KCND2: variants seen among roughly 807,000 people sequenced by gnomAD.
The protein encoded by KCND2 is A-type voltage-gated potassium channel KCND2.
In KCND2, 16 loss-of-function variants were observed where a neutral mutation model predicts 54.4. The ratio of observed to expected loss-of-function variants is 0.29; its 90% confidence interval spans 0.20 to 0.45. The LOEUF (loss-of-function observed/expected upper bound fraction) is 0.45. KCND2 is among the 20% of genes least tolerant of loss of function. The probability of loss-of-function intolerance (pLI) is 1.00; values close to 1 mark genes in which losing one functional copy is unlikely to be tolerated. For synonymous variants in KCND2, 317 were observed against 310.7 expected (o/e 1.02, Z -0.21); for missense variants, 486 against 824.2 (o/e 0.59, Z 5.02).
intron 1 of KCND2, among the ~76,000 whole-genome samples, chr7:120,466,906 C>G (rs983680851): frequency 1.3e-5 from 2 of 152,092 alleles, no homozygotes; most frequent in Non-Finnish European, 2.9e-5. Context: ...GCTTGTGGCC[C>G]CTTATCCATC....
At chr7:120,636,905 T>C (rs1793311729) in intron 1 of KCND2, among the ~76,000 whole-genome samples, 1 of 152,134 alleles carries the variant, frequency 6.6e-6, no homozygotes, top group Non-Finnish European at 1.5e-5. Flanking sequence ...AATGGACAGA[T>C]ACTTTAAGGT....
chr7:120,585,200 TCTC>T (rs936456839), intron 1 of KCND2, among the ~76,000 whole-genome samples: 3 of 151,222 alleles, frequency 2.0e-5, no homozygotes, highest in Admixed American at 1.3e-4. Context: ...TTAAAGAAAA[TCTC>T]CTGGGAAATA....
intron 1 of KCND2, among the ~76,000 whole-genome samples, chr7:120,530,322 G>C (rs1791827905): frequency 6.6e-6 from 1 of 151,906 alleles, no homozygotes; most frequent in African/African-American, 2.4e-5. Flanking sequence ...CAAAAATGTA[G>C]AATAAAAAAG....
chr7:120,446,689 C>T (rs933617149), intron 1 of KCND2, among the ~76,000 whole-genome samples: 2 of 152,108 alleles, frequency 1.3e-5, no homozygotes, highest in African/African-American at 2.4e-5. Flanking sequence ...TGCATATTTC[C>T]CCTATACTCA....
At chr7:120,438,567 A>G (rs1429165769) in intron 1 of KCND2, among the ~76,000 whole-genome samples, 2 of 152,190 alleles carry the variant, frequency 1.3e-5, no homozygotes, top group African/African-American at 2.4e-5. Context: ...CACCTTCAGA[A>G]AATAATTTGA....
At chr7:120,663,126 G>A (rs1269410204) in intron 1 of KCND2, among the ~76,000 whole-genome samples, 1 of 152,124 alleles carries the variant, frequency 6.6e-6, no homozygotes, top group Non-Finnish European at 1.5e-5. Context: ...GCGGTACATG[G>A]TAGGTTGAAC....
chr7:120,670,608 G>A (rs1464167970), intron 1 of KCND2, among the ~76,000 whole-genome samples: 3 of 151,960 alleles, frequency 2.0e-5, no homozygotes, highest in Non-Finnish European at 2.9e-5. Flanking sequence ...GCTTCCTAGG[G>A]TCTGACTTTT....
intron 1 of KCND2, among the ~76,000 whole-genome samples, chr7:120,470,424 C>T (rs73435860): frequency 0.011 from 1,667 of 152,166 alleles, 32 homozygotes; most frequent in African/African-American, 0.038. Flanking sequence ...CTTGCCTTCT[C>T]ATCTAGGTGA....
chr7:120,612,132 G>A (rs1306236594), intron 1 of KCND2, among the ~76,000 whole-genome samples: 1 of 143,162 alleles, frequency 7.0e-6, no homozygotes, highest in Non-Finnish European at 1.6e-5. Flanking sequence ...TACTACTAAT[G>A]AGCAGATAGA....
intron 1 of KCND2, among the ~76,000 whole-genome samples, chr7:120,549,166 G>T (rs1359745731): frequency 6.6e-6 from 1 of 152,100 alleles, no homozygotes; most frequent in Non-Finnish European, 1.5e-5. Flanking sequence ...TTGCACATCG[G>T]ATTTAGATGT....
intron 1 of KCND2, among the ~76,000 whole-genome samples, chr7:120,708,365 T>C (rs1360735388): frequency 6.6e-6 from 1 of 152,154 alleles, no homozygotes; most frequent in Admixed American, 6.6e-5. Flanking sequence ...TAACAGAATG[T>C]AATTGTATTA....
At chr7:120,587,187 G>A (rs929261415) in intron 1 of KCND2, among the ~76,000 whole-genome samples, 1 of 152,110 alleles carries the variant, frequency 6.6e-6, no homozygotes, top group Non-Finnish European at 1.5e-5. Context: ...TTAGTCAAAT[G>A]TGCTCTAATA....
intron 1 of KCND2, among the ~76,000 whole-genome samples, chr7:120,559,450 G>A (rs968142565): frequency 3.9e-5 from 6 of 152,176 alleles, no homozygotes; most frequent in Admixed American, 2.6e-4. Flanking sequence ...GATGAGCGAA[G>A]CTTCTGAAGA....
intron 1 of KCND2, among the ~76,000 whole-genome samples, chr7:120,674,401 T>C (rs1303731141): frequency 2.0e-5 from 3 of 152,212 alleles, no homozygotes; most frequent in African/African-American, 7.2e-5. Flanking sequence ...AGGCACTGGA[T>C]TTAAAGTCTT....
chr7:120,551,355 GT>G (rs1792103021), intron 1 of KCND2, among the ~76,000 whole-genome samples: 1 of 152,124 alleles, frequency 6.6e-6, no homozygotes, highest in Non-Finnish European at 1.5e-5. Context: ...AGTTTTCTTT[GT>G]TTGTTCATAT....
chr7:120,384,915 T>G (rs934057225), intron 1 of KCND2, among the ~76,000 whole-genome samples: 3 of 152,024 alleles, frequency 2.0e-5, no homozygotes, highest in East Asian at 1.9e-4. Context: ...ACGAGTTGTA[T>G]TTTATAGTCT....
chr7:120,715,440 C>G (rs1431859348), intron 1 of KCND2, among the ~76,000 whole-genome samples: 1 of 152,004 alleles, frequency 6.6e-6, no homozygotes, highest in Non-Finnish European at 1.5e-5. Context: ...TTATCTGCAT[C>G]CATTACTCCA....
chr7:120,335,555 T>C (rs533234354), intron 1 of KCND2, among the ~76,000 whole-genome samples: 4,370 of 151,350 alleles, frequency 0.029, 101 homozygotes, highest in Non-Finnish European at 0.048. Context: ...GGTGCGATCT[T>C]GGCTCACTGC....
chr7:120,468,760 G>C (rs1030595476), intron 1 of KCND2, among the ~76,000 whole-genome samples: 10 of 152,044 alleles, frequency 6.6e-5, no homozygotes, highest in African/African-American at 2.4e-4. Context: ...GAACTTAACG[G>C]CTGAATTTTA....
Sources: allele counts gnomAD v4.1 joint callset (sites outside exome capture counted in the v4.1 genomes callset), GRCh38; gene constraint gnomAD v4.1.1; transcripts MANE v1.5; gene names NCBI Gene and HGNC (gene_info 2026-07-23, HGNC 2026-07-21).